Variants in SLC71A2 observed in about 807,000 individuals in gnomAD.
The protein encoded by SLC71A2 is solute carrier family 71 member 2.
chr9:94,407,161 T>C, the SLC71A2 span, among the ~76,000 whole-genome samples: 1 of 151,674 alleles, frequency 6.6e-6, no homozygotes, highest in Non-Finnish European at 1.5e-5. Context: ...TTTTACTGCA[T>C]CAATTAAGAT....
the SLC71A2 span, among the ~76,000 whole-genome samples, chr9:94,439,026 T>TTTTTTG: frequency 2.3e-5 from 3 of 130,910 alleles, no homozygotes; most frequent in East Asian, 6.4e-4. Context: ...GAGTTCGTTT[T>TTTTTTG]TTTTTTTTTT....
chr9:94,424,795 A>G, the SLC71A2 span, among the ~76,000 whole-genome samples: 1 of 129,520 alleles, frequency 7.7e-6, no homozygotes. Context: ...GCTGGGGTGC[A>G]GTGGCTAGAT....
chr9:94,447,024 G>C, the SLC71A2 span: 9 of 713,796 alleles, frequency 1.3e-5, no homozygotes, highest in Non-Finnish European at 2.2e-5. Context: ...AACCACTGCA[G>C]AGGAAAAAAC....
At chr9:94,388,355 A>G in the SLC71A2 span, among the ~76,000 whole-genome samples, 2 of 152,170 alleles carry the variant, frequency 1.3e-5, no homozygotes, top group Non-Finnish European at 2.9e-5. Context: ...AGGCCAGTTA[A>G]TGTACACTAA....
At chr9:94,452,810 CTATT>C in the SLC71A2 span, among the ~76,000 whole-genome samples, 1 of 150,788 alleles carries the variant, frequency 6.6e-6, no homozygotes, top group Non-Finnish European at 1.5e-5. Flanking sequence ...ATTTCCCTAT[CTATT>C]GTAAATACAG....
chr9:94,436,352 TACTTA>T, the SLC71A2 span, among the ~76,000 whole-genome samples: 3 of 152,174 alleles, frequency 2.0e-5, no homozygotes, highest in Non-Finnish European at 4.4e-5. Context: ...CTACTGGGGT[TACTTA>T]ACTTGTAGTA....
chr9:94,409,533 GT>G, the SLC71A2 span, among the ~76,000 whole-genome samples: 1 of 152,036 alleles, frequency 6.6e-6, no homozygotes, highest in Non-Finnish European at 1.5e-5. Context: ...TTTGAGTTTA[GT>G]TTGCTCTCTT....
chr9:94,431,038 C>T, the SLC71A2 span, among the ~76,000 whole-genome samples: 31 of 152,298 alleles, frequency 2.0e-4, 1 homozygote, highest in African/African-American at 6.3e-4. Context: ...CAAGGCTGCA[C>T]GCGGTGGCTC....
chr9:94,408,354 G>A, the SLC71A2 span, among the ~76,000 whole-genome samples: 10 of 152,170 alleles, frequency 6.6e-5, no homozygotes, highest in East Asian at 1.2e-3. Flanking sequence ...GGTACTTTTC[G>A]AGGCATCCAC....
the SLC71A2 span, among the ~76,000 whole-genome samples, chr9:94,378,595 T>G: frequency 6.6e-6 from 1 of 152,032 alleles, no homozygotes; most frequent in Non-Finnish European, 1.5e-5. Flanking sequence ...AGAGTGAGAC[T>G]CTGTCTCAAA....
the SLC71A2 span, among the ~76,000 whole-genome samples, chr9:94,387,923 T>C: frequency 5.7e-3 from 869 of 152,336 alleles, 4 homozygotes; most frequent in African/African-American, 0.02. Flanking sequence ...AATGCGCTTC[T>C]TGGTAATTAC....
the SLC71A2 span, among the ~76,000 whole-genome samples, chr9:94,378,366 G>A: frequency 1.3e-5 from 2 of 152,096 alleles, no homozygotes; most frequent in Non-Finnish European, 2.9e-5. Flanking sequence ...GGAGGTGCCA[G>A]GCTCCTTTTA....
chr9:94,425,971 G>C, the SLC71A2 span, among the ~76,000 whole-genome samples: 1 of 152,004 alleles, frequency 6.6e-6, no homozygotes. Flanking sequence ...GCTGTAGCCA[G>C]TTTTCCACCT....
At chr9:94,423,262 T>TCC in the SLC71A2 span, among the ~76,000 whole-genome samples, 8 of 107,712 alleles carry the variant, frequency 7.4e-5, no homozygotes, top group African/African-American at 2.9e-4. Context: ...GTTCTCTCTC[T>TCC]CTCTTTTTTT....
the SLC71A2 span, among the ~76,000 whole-genome samples, chr9:94,428,320 G>T: frequency 1.4e-5 from 2 of 146,594 alleles, no homozygotes; most frequent in Non-Finnish European, 3.0e-5. Context: ...TATAACTTTG[G>T]TATTTCACTT....
At chr9:94,412,956 G>A in the SLC71A2 span, among the ~76,000 whole-genome samples, 2 of 150,754 alleles carry the variant, frequency 1.3e-5, no homozygotes, top group African/African-American at 4.9e-5. Context: ...AAAAACCGCT[G>A]ACTTGTGTGC....
the SLC71A2 span, among the ~76,000 whole-genome samples, chr9:94,403,466 G>A: frequency 6.7e-6 from 1 of 150,358 alleles, no homozygotes; most frequent in African/African-American, 2.4e-5. Context: ...TTACTACAAC[G>A]TCCTTAATGT....
At chr9:94,439,426 T>A in the SLC71A2 span, among the ~76,000 whole-genome samples, 1 of 152,110 alleles carries the variant, frequency 6.6e-6, no homozygotes, top group African/African-American at 2.4e-5. Flanking sequence ...GTTGTTTTTT[T>A]TGGATAACAG....
At chr9:94,419,637 A>G in the SLC71A2 span, among the ~76,000 whole-genome samples, 14 of 151,930 alleles carry the variant, frequency 9.2e-5, no homozygotes, top group African/African-American at 3.4e-4. Flanking sequence ...GCGTCTTGCT[A>G]TGTTGTCCAG....
Sources: allele counts gnomAD v4.1 joint callset (sites outside exome capture counted in the v4.1 genomes callset), GRCh38; gene constraint gnomAD v4.1.1; transcripts MANE v1.5; gene names NCBI Gene and HGNC (gene_info 2026-07-23, HGNC 2026-07-21).